The following DENND5B variants were observed in gnomAD, a reference collection of about 807,000 sequenced individuals.
DENND5B encodes the protein DENN domain containing 5B, also known as DENN domain-containing protein 5B.
DENND5B carries 34 observed loss-of-function variants against 140.6 expected under a neutral mutation model. The ratio of observed to expected loss-of-function variants is 0.24; its 90% CI spans 0.18 to 0.32. DENND5B has a LOEUF of 0.32. DENND5B is among the 10% of genes least tolerant of loss of function. The pLI is 1.00. For synonymous variants in DENND5B, 551 were observed against 562.1 expected, an observed-to-expected ratio of 0.98 and a Z score of 0.28; for missense variants, 1,142 against 1,560.2, an observed-to-expected ratio of 0.73 and a Z score of 4.52.
At chr12:31,572,948 C>T (rs929847355) in intron 1 of DENND5B, among the ~76,000 whole-genome samples, 8 of 152,136 alleles carry the variant, frequency 5.3e-5, no homozygotes, top group African/African-American at 9.7e-5. Context: ...AAAATATTTA[C>T]GAAACTCATG....
In DENND5B at chr12:31,496,290, T is replaced by C. The variant is rs547440488; in HGVS notation, c.128-371A>G. Among the ~76,000 whole-genome samples, 412 of 152,332 alleles carry C rather than the reference T, an allele frequency of 2.7e-3. 5 individuals are homozygous for C. Among genetic ancestry groups the C allele is most frequent in the Non-Finnish European group, 4.6e-3 (314 of 68,018 alleles). On this transcript the variant is annotated intron_variant, in intron 1 of 20. Transcript: ENST00000389082. ...TACATTAAGCTAATCATATGTCTTA[T>C]GATCCTAAAATTTTATACACACTTA...
At chr12:31,434,554 T>C (rs1344637947) in intron 7 of DENND5B, among the ~76,000 whole-genome samples, 1 of 152,130 alleles carries the variant, frequency 6.6e-6, no homozygotes, top group Non-Finnish European at 1.5e-5. Flanking sequence ...AAATATATAA[T>C]GTTTCCCTTA....
chr12:31,582,730 C>T (rs982413389), intron 1 of DENND5B, among the ~76,000 whole-genome samples: 1 of 152,158 alleles, frequency 6.6e-6, no homozygotes, highest in Non-Finnish European at 1.5e-5. Context: ...CCGATAGTGT[C>T]GCCTTTAATA....
intron 1 of DENND5B, among the ~76,000 whole-genome samples, chr12:31,548,805 T>C (rs957158236): frequency 2.6e-5 from 4 of 152,276 alleles, no homozygotes; most frequent in African/African-American, 9.6e-5. Context: ...AGAACTACAG[T>C]CCCCATATGC....
At chr12:31,482,084 G>A (rs755448708) in intron 2 of DENND5B, among the ~76,000 whole-genome samples, 4 of 152,200 alleles carry the variant, frequency 2.6e-5, no homozygotes, top group Non-Finnish European at 5.9e-5. Context: ...TTGTCATTAA[G>A]CATGAAGGCG....
intron 1 of DENND5B, among the ~76,000 whole-genome samples, chr12:31,548,494 T>C (rs1307304695): frequency 6.6e-6 from 1 of 152,092 alleles, no homozygotes; most frequent in Non-Finnish European, 1.5e-5. Flanking sequence ...CAAGACATAC[T>C]GCCACTTTAA....
chr12:31,390,016 C>T (rs374031626), intron 19 of DENND5B, among the ~76,000 whole-genome samples: 83 of 152,072 alleles, frequency 5.5e-4, no homozygotes, highest in Admixed American at 1.5e-3. Flanking sequence ...AAAAAAATCA[C>T]TCCTGGGGGC....
chr12:31,588,471 G>A (rs555266544), intron 1 of DENND5B, among the ~76,000 whole-genome samples: 14 of 152,252 alleles, frequency 9.2e-5, no homozygotes, highest in African/African-American at 3.1e-4. Flanking sequence ...GGCCTACAAT[G>A]GTTGCATCTG....
At chr12:31,438,265 G>A (rs560139804) in intron 7 of DENND5B, among the ~76,000 whole-genome samples, 4 of 152,270 alleles carry the variant, frequency 2.6e-5, no homozygotes, top group African/African-American at 7.2e-5. Context: ...GAGGCACTGC[G>A]CCTGGCCAAT....
intron 2 of DENND5B, among the ~76,000 whole-genome samples, chr12:31,488,131 AT>A (rs68139114): frequency 0.65 from 87,421 of 135,324 alleles, 27,219 homozygotes; most frequent in Admixed American, 0.77. Flanking sequence ...ATACCCGGCT[AT>A]TTTTTTTTTT....
intron 5 of DENND5B, among the ~76,000 whole-genome samples, chr12:31,449,519 C>T (rs1290828006): frequency 6.6e-6 from 1 of 152,080 alleles, no homozygotes; most frequent in Non-Finnish European, 1.5e-5. Context: ...GCTTGTACGA[C>T]TAGTATGTCC....
intron 3 of DENND5B, among the ~76,000 whole-genome samples, chr12:31,474,527 C>G (rs1447440203): frequency 6.6e-6 from 1 of 152,156 alleles, no homozygotes; most frequent in African/African-American, 2.4e-5. Context: ...TCCTAAATAA[C>G]AGATTGAATT....
intron 2 of DENND5B, among the ~76,000 whole-genome samples, chr12:31,488,365 C>G (rs78557843): frequency 1.3e-5 from 2 of 152,084 alleles, no homozygotes; most frequent in Non-Finnish European, 2.9e-5. Flanking sequence ...AATTGATAGG[C>G]GTTCCTGTCA....
rs1022787819 is a variant in DENND5B at position 31,460,140 on chromosome 12, G to A, written c.1092+54C>T. 4.5e-5 allele frequency: 68 copies of A among 1,527,252 alleles called. No individual in the cohort carries two copies. The East Asian group carries it at 9.7e-4, about 22-fold the overall frequency. 94.6% of individuals were successfully genotyped at this position (1,527,252 alleles called of 1,614,324 possible). On this transcript the variant is annotated intron_variant, in intron 4 of 20. Coordinates refer to ENST00000389082, the MANE Select transcript of DENND5B (RefSeq NM_144973.4). ...AAGACAATGCAATCTAACGAAAGTC[G>A]CCTTGACCTAAATCAGCAAACAGCA...
intron 17 of DENND5B, among the ~76,000 whole-genome samples, chr12:31,396,068 T>G (rs1375845055): frequency 1.2e-4 from 18 of 144,214 alleles, no homozygotes; most frequent in Admixed American, 4.2e-4. Context: ...TTTTTTTTTT[T>G]TTTTTTTTTT....
intron 1 of DENND5B, among the ~76,000 whole-genome samples, chr12:31,528,840 T>C (rs908156658): frequency 6.6e-5 from 10 of 152,086 alleles, no homozygotes; most frequent in Non-Finnish European, 1.2e-4. Context: ...TTAGGACTCA[T>C]TTGTAAAGAG....
chr12:31,472,376 C>T (rs544078673), intron 3 of DENND5B, among the ~76,000 whole-genome samples: 2 of 152,182 alleles, frequency 1.3e-5, no homozygotes. Context: ...ATTGCAACTT[C>T]CACCTCTTGG....
At chr12:31,550,577 G>C (rs36173682) in intron 1 of DENND5B, among the ~76,000 whole-genome samples, 21,722 of 150,992 alleles carry the variant, frequency 0.14, 1,681 homozygotes, top group Non-Finnish European at 0.18. Flanking sequence ...TGGGTATATA[G>C]CCAGTAATGG....
intron 1 of DENND5B, among the ~76,000 whole-genome samples, chr12:31,497,006 T>G (rs542905359): frequency 6.6e-6 from 1 of 152,242 alleles, no homozygotes; most frequent in Admixed American, 6.5e-5. Context: ...AATGTCACTT[T>G]ACCAGTATTT....
Sources: gnomAD v4.1 joint callset for allele counts (sites outside exome capture counted in the v4.1 genomes callset) on GRCh38, gnomAD v4.1.1 for gene constraint, MANE v1.5 for transcripts, NCBI Gene and HGNC (gene_info 2026-07-23, HGNC 2026-07-21) for gene names.